AK9: variants seen among roughly 807,000 people sequenced by gnomAD.
The protein encoded by AK9 is adenylate kinase domain containing 1.
In AK9, 191 loss-of-function variants were observed where a neutral mutation model predicts 239.6. The ratio of observed to expected loss-of-function variants is 0.80; its 90% CI spans 0.71 to 0.90. AK9 has a LOEUF of 0.90. AK9 is among the 40% of genes least tolerant of loss of function. The pLI is 0.00. For missense variants in AK9, 1,995 were observed against 2,214.7 expected (o/e 0.90, Z 1.99); for synonymous variants, 689 against 721.0 (o/e 0.96, Z 0.71).
In AK9 at chr6:109,636,797, T is replaced by TTCATCCATTGATGGACATTGG. The variant is rs1796775088; in HGVS notation, c.934-3495_934-3475dup. Among the ~76,000 whole-genome samples the TTCATCCATTGATGGACATTGG allele has an allele frequency of 2.9e-5, 3 of 101,862 alleles. No homozygotes were observed. The South Asian group carries it at 1.3e-3, about 45-fold the overall frequency. The allele number at this position is 101,862 out of a possible 152,430, so 66.8% of individuals were successfully genotyped here. A position where few individuals can be genotyped will look rare whatever the true frequency, so the allele number is the denominator to read the frequency against. On this transcript the variant is annotated intron_variant, in intron 10 of 40. Transcript: ENST00000424296. ...ACACACACACACCACATTTTATCAG[T>TTCATCCATTGATGGACATTGG]TCATCCATTGATGGACATTGGGTTA...
chr6:109,538,452 T>G (rs1782345188), intron 27 of AK9, among the ~76,000 whole-genome samples: 1 of 152,216 alleles, frequency 6.6e-6, no homozygotes, highest in South Asian at 2.1e-4. Context: ...GTTTTCCATT[T>G]TCTTGGTAGA....
intron 17 of AK9, among the ~76,000 whole-genome samples, chr6:109,599,830 T>G (rs1439150678): frequency 6.6e-6 from 1 of 152,180 alleles, no homozygotes; most frequent in African/African-American, 2.4e-5. Context: ...TTATTCTCTT[T>G]GAAGCAATTG....
chr6:109,535,175 C>A (rs529029238), intron 27 of AK9, among the ~76,000 whole-genome samples: 1 of 152,154 alleles, frequency 6.6e-6, no homozygotes, highest in Non-Finnish European at 1.5e-5. Flanking sequence ...CTTGAGGAAT[C>A]GCCACACTGT....
At chr6:109,572,959 C>T (rs987049357) in intron 21 of AK9, among the ~76,000 whole-genome samples, 1 of 151,998 alleles carries the variant, frequency 6.6e-6, no homozygotes, top group Non-Finnish European at 1.5e-5. Flanking sequence ...AGTTAATGCT[C>T]TCATATTAAC....
At chr6:109,667,559 C>A (rs927955093) in intron 5 of AK9, among the ~76,000 whole-genome samples, 2 of 151,834 alleles carry the variant, frequency 1.3e-5, no homozygotes, top group African/African-American at 2.4e-5. Flanking sequence ...CCTCTCCCCC[C>A]ATCCCACAAC....
intron 15 of AK9, 112 bp downstream of exon 15, chr6:109,614,071 C>T: frequency 2.9e-6 from 3 of 1,022,832 alleles, no homozygotes; most frequent in South Asian, 3.1e-5. Context: ...CTTTTTTCCT[C>T]CTGAAGTTTC....
At chr6:109,606,416 C>G (rs1161259978) in intron 17 of AK9, among the ~76,000 whole-genome samples, 1 of 152,042 alleles carries the variant, frequency 6.6e-6, no homozygotes, top group African/African-American at 2.4e-5. Context: ...CAGAAATGAA[C>G]AAGAACAGAT....
At chr6:109,506,300 A>T (rs778804108) in intron 35 of AK9, 27 bp downstream of exon 35, 1 of 1,594,714 alleles carries the variant, frequency 6.3e-7, no homozygotes, top group East Asian at 2.2e-5. Context: ...TTAATATTTT[A>T]TTCTACCTTA....
At chr6:109,596,786 T>C (rs975868266) in intron 17 of AK9, among the ~76,000 whole-genome samples, 1 of 152,232 alleles carries the variant, frequency 6.6e-6, no homozygotes, top group African/African-American at 2.4e-5. Flanking sequence ...TTGCTATTAA[T>C]AGAGCTGCGA....
chr6:109,612,190 C>T (rs1168765235), intron 15 of AK9, 97 bp from the exon 16 acceptor site: 1 of 684,036 alleles, frequency 1.5e-6, no homozygotes, highest in Non-Finnish European at 2.4e-6. Context: ...GGAACCAGGA[C>T]TCACATTCCC....
At chr6:109,527,778 T>C (rs1301305657) in intron 29 of AK9, 1 of 152,170 alleles carries the variant, frequency 6.6e-6, no homozygotes, top group Non-Finnish European at 1.5e-5. Context: ...ACATAGAATA[T>C]TGAATTTCCG....
At chr6:109,506,599 T>TC (rs1374598703) in intron 34 of AK9, 52 bp from the exon 35 acceptor site, 27 of 1,536,114 alleles carry the variant, frequency 1.8e-5, no homozygotes, top group Admixed American at 7.9e-5. Flanking sequence ...ACATATCTTT[T>TC]CCCCCGTATG....
intron 17 of AK9, among the ~76,000 whole-genome samples, chr6:109,602,263 G>A (rs1476916784): frequency 2.0e-5 from 3 of 152,160 alleles, no homozygotes; most frequent in Non-Finnish European, 4.4e-5. Flanking sequence ...TTGTAGGGCA[G>A]GCCTGGTGGT....
chr6:109,598,281 T>A (rs1053943852), intron 17 of AK9, among the ~76,000 whole-genome samples: 1 of 148,214 alleles, frequency 6.7e-6, no homozygotes, highest in Non-Finnish European at 1.5e-5. Flanking sequence ...TGTCCATGTG[T>A]TCTCATTGTT....
At chr6:109,548,392 A>G (rs959494636) in intron 25 of AK9, among the ~76,000 whole-genome samples, 1 of 152,172 alleles carries the variant, frequency 6.6e-6, no homozygotes, top group African/African-American at 2.4e-5. Flanking sequence ...ATAAACATCA[A>G]ATTTATGGTG....
At chr6:109,629,793 C>T (rs1795932404) in intron 12 of AK9, among the ~76,000 whole-genome samples, 2 of 152,070 alleles carry the variant, frequency 1.3e-5, no homozygotes, top group Middle Eastern at 3.4e-3. Context: ...TCACCGTGCC[C>T]GGCTAATTTT....
chr6:109,641,340 T>C (rs1266870478), intron 10 of AK9, among the ~76,000 whole-genome samples, 178 bp downstream of exon 10: 11 of 117,604 alleles, frequency 9.4e-5, no homozygotes, highest in Non-Finnish European at 1.5e-4. Context: ...GCTAATTTTT[T>C]CTTTCTTTCT....
At chr6:109,639,384 G>A (rs146343512) in intron 10 of AK9, among the ~76,000 whole-genome samples, 4,386 of 152,282 alleles carry the variant, frequency 0.029, 100 homozygotes, top group East Asian at 0.11. Flanking sequence ...GTTTTGATTT[G>A]CATTTCTCTG....
At chr6:109,555,775 C>T (rs1388077716) in intron 24 of AK9, among the ~76,000 whole-genome samples, 2 of 152,240 alleles carry the variant, frequency 1.3e-5, no homozygotes, top group Admixed American at 6.5e-5. Flanking sequence ...CCTTCTTTGT[C>T]TTTTTTGATC....
Sources: gnomAD v4.1 joint callset for allele counts (sites outside exome capture counted in the v4.1 genomes callset) on GRCh38, gnomAD v4.1.1 for gene constraint, MANE v1.5 for transcripts, NCBI Gene and HGNC (gene_info 2026-07-23, HGNC 2026-07-21) for gene names.